The following CCSER1 variants were observed in gnomAD, a reference collection of about 807,000 sequenced individuals.
CCSER1 encodes serine-rich coiled-coil domain-containing protein 1.
CCSER1 carries 41 observed loss-of-function variants against 82.0 expected under a neutral mutation model. That is an observed-to-expected ratio of 0.50 (90% CI 0.39 to 0.65). The LOEUF is 0.65. Ranked by LOEUF, CCSER1 falls within the 30% of genes least tolerant of loss-of-function variation. CCSER1 has a pLI of 0.00. For missense variants in CCSER1, 1,119 were observed against 1,064.2 expected, an observed-to-expected ratio of 1.05 and a Z score of -0.72; for synonymous variants, 414 against 383.9, an observed-to-expected ratio of 1.08 and a Z score of -0.92.
chr4:91,251,472 T>C (rs2149147178), intron 10 of CCSER1, among the ~76,000 whole-genome samples: 1 of 152,268 alleles, frequency 6.6e-6, no homozygotes, highest in South Asian at 2.1e-4. Flanking sequence ...AGTAGTCACA[T>C]AGCAGATAAT....
intron 5 of CCSER1, among the ~76,000 whole-genome samples, chr4:90,606,150 T>C (rs1784673966): frequency 6.6e-6 from 1 of 152,122 alleles, no homozygotes; most frequent in African/African-American, 2.4e-5. Flanking sequence ...ACACTTGGAC[T>C]CTGTTATTAA....
intron 8 of CCSER1, among the ~76,000 whole-genome samples, chr4:90,854,140 A>G (rs1253345963): frequency 6.6e-6 from 1 of 152,158 alleles, no homozygotes; most frequent in Non-Finnish European, 1.5e-5. Context: ...TGAACATGAT[A>G]TGGTCCAAAT....
At chr4:90,361,744 A>T (rs1386397325) in intron 3 of CCSER1, among the ~76,000 whole-genome samples, 2 of 152,168 alleles carry the variant, frequency 1.3e-5, no homozygotes, top group Admixed American at 1.3e-4. Context: ...AAGTGATAAC[A>T]TGTGGTATTT....
chr4:91,119,220 A>G (rs1726883905), intron 10 of CCSER1, among the ~76,000 whole-genome samples: 1 of 152,178 alleles, frequency 6.6e-6, no homozygotes, highest in Non-Finnish European at 1.5e-5. Flanking sequence ...AAAGGAGAAA[A>G]AAGATTAGTC....
At chr4:90,570,296 G>A (rs1380056915) in intron 5 of CCSER1, among the ~76,000 whole-genome samples, 1 of 152,168 alleles carries the variant, frequency 6.6e-6, no homozygotes, top group Non-Finnish European at 1.5e-5. Context: ...TAGTTGGTCA[G>A]GCCTGCTCCC....
chr4:90,484,196 G>A (rs1360474101), intron 5 of CCSER1, among the ~76,000 whole-genome samples: 1 of 147,998 alleles, frequency 6.8e-6, no homozygotes, highest in Non-Finnish European at 1.5e-5. Flanking sequence ...TCATCACGTA[G>A]TTCTCGTGCG....
At chr4:90,175,178 G>A (rs566585723) in intron 1 of CCSER1, among the ~76,000 whole-genome samples, 1 of 152,034 alleles carries the variant, frequency 6.6e-6, no homozygotes, top group Admixed American at 6.6e-5. Flanking sequence ...AATGATATAA[G>A]GAAATGAGCC....
At chr4:91,016,929 A>G (rs1739479422) in intron 9 of CCSER1, among the ~76,000 whole-genome samples, 1 of 152,154 alleles carries the variant, frequency 6.6e-6, no homozygotes, top group African/African-American at 2.4e-5. Context: ...GAGTTTGAAT[A>G]TAGGAGAGAA....
intron 10 of CCSER1, among the ~76,000 whole-genome samples, chr4:91,432,461 TACAG>T (rs1387720273): frequency 2.0e-5 from 3 of 152,208 alleles, no homozygotes; most frequent in Non-Finnish European, 4.4e-5. Flanking sequence ...TTTCAATAGA[TACAG>T]ACAACGTTTT....
At chr4:90,809,133 C>G (rs1757909741) in intron 7 of CCSER1, among the ~76,000 whole-genome samples, 1 of 147,726 alleles carries the variant, frequency 6.8e-6, no homozygotes, top group African/African-American at 2.5e-5. Context: ...GTCTGAGCAA[C>G]AAAGTGAGAC....
chr4:91,516,251 G>A (rs1760115721), intron 10 of CCSER1, among the ~76,000 whole-genome samples: 1 of 152,006 alleles, frequency 6.6e-6, no homozygotes. Flanking sequence ...TGTTGCAATT[G>A]CTTTTGGCAT....
rs181728935 is a variant in CCSER1 at position 91,173,203 on chromosome 4, A to G, written c.2217+87209A>G. On this transcript the variant is annotated intron_variant, in intron 10 of 10. Transcript: ENST00000509176. ...GAAGATTTTGATTAATTTATTCAGA[A>G]TGTCTTTAAAACAATAGAGCAAATG... Among the ~76,000 whole-genome samples, 288 of 152,332 alleles carry G rather than the reference A, an allele frequency of 1.9e-3. 1 individual carries two copies. The highest frequency in any genetic ancestry group is 2.9e-3 in the South Asian group (14 of 4,830).
intron 5 of CCSER1, among the ~76,000 whole-genome samples, chr4:90,527,011 C>T (rs1019224414): frequency 1.3e-5 from 2 of 152,204 alleles, no homozygotes; most frequent in Non-Finnish European, 2.9e-5. Context: ...ATTCCTATTT[C>T]TCCACATCTT....
intron 10 of CCSER1, among the ~76,000 whole-genome samples, chr4:91,463,457 C>T (rs1756638689): frequency 6.6e-6 from 1 of 152,220 alleles, no homozygotes; most frequent in African/African-American, 2.4e-5. Context: ...CACCTCTCCT[C>T]CTCCAAAGGA....
intron 5 of CCSER1, among the ~76,000 whole-genome samples, chr4:90,588,693 A>C (rs1404796047): frequency 6.6e-6 from 1 of 152,308 alleles, no homozygotes; most frequent in East Asian, 1.9e-4. Flanking sequence ...GAGATAATGG[A>C]ATCATGGGGT....
chr4:91,564,653 C>CT lies in CCSER1; in HGVS notation c.2218-33911dup, dbSNP rs1039843458. 4.6e-5 allele frequency among the ~76,000 whole-genome samples: 7 copies of CT among 151,670 alleles called. No homozygotes were observed. The East Asian group carries it at 9.7e-4, about 21-fold the overall frequency. On this transcript the variant is annotated intron_variant, in intron 10 of 10. Transcript: ENST00000509176. Reference sequence around the variant, plus strand: ...CATTTCTCTAATCAGTGCTACTGAGCTTTTTTTTAATGTTGTTGGCCACAT... The same window carrying CT: ...CATTTCTCTAATCAGTGCTACTGAGCTTTTTTTTTAATGTTGTTGGCCACAT...
rs540529811 is a variant in CCSER1, at chr4:91,385,133, A to G, written c.2218-213439A>G. On this transcript the variant is annotated intron_variant, in intron 10 of 10. Coordinates refer to ENST00000509176, the MANE Select transcript of CCSER1 (RefSeq NM_001145065.2). ...ATAGTACAAAAATACAAGGTTATTC[A>G]TTGAAAAATGATTTATAGTTGTAAA... is the stretch of plus-strand genomic sequence containing the variant. Among the ~76,000 whole-genome samples, 3 of 152,210 alleles carry G rather than the reference A, an allele frequency of 2.0e-5. No individual in the cohort carries two copies. In the South Asian group the frequency reaches 6.2e-4, roughly 32 times the overall value.
intron 1 of CCSER1, among the ~76,000 whole-genome samples, chr4:90,214,373 G>A (rs983236655): frequency 6.6e-6 from 1 of 152,142 alleles, no homozygotes; most frequent in South Asian, 2.1e-4. Context: ...GGAGAGTAAA[G>A]AATATGAATA....
At chr4:90,968,167 C>A (rs1306059254) in intron 9 of CCSER1, among the ~76,000 whole-genome samples, 1 of 150,794 alleles carries the variant, frequency 6.6e-6, no homozygotes, top group Non-Finnish European at 1.5e-5. Context: ...CTCACAGACA[C>A]CAGAGAACAG....
Sources: gnomAD v4.1 joint callset for allele counts (sites outside exome capture counted in the v4.1 genomes callset) on GRCh38, gnomAD v4.1.1 for gene constraint, MANE v1.5 for transcripts, NCBI Gene and HGNC (gene_info 2026-07-23, HGNC 2026-07-21) for gene names.